The following ENPP6 variants were observed in gnomAD, a reference collection of about 807,000 sequenced individuals.
ENPP6 encodes glycerophosphocholine cholinephosphodiesterase ENPP6.
In ENPP6, 32 loss-of-function variants were observed where a neutral mutation model predicts 42.0. The observed-to-expected ratio is 0.76, with a 90% CI of 0.58 to 1.02. The LOEUF (loss-of-function observed/expected upper bound fraction) is 1.02, where lower values mean the gene tolerates loss of function less well. ENPP6 is among the 50% of genes least tolerant of loss of function. The probability of loss-of-function intolerance (pLI) is 0.00; values close to 1 mark genes in which losing one functional copy is unlikely to be tolerated. For missense variants in ENPP6, 552 were observed against 566.8 expected, an observed-to-expected ratio of 0.97 and a Z score of 0.27; for synonymous variants, 213 against 216.0, an observed-to-expected ratio of 0.99 and a Z score of 0.12.
chr4:184,113,349 A>G (rs557998221), intron 5 of ENPP6, among the ~76,000 whole-genome samples: 91 of 152,298 alleles, frequency 6.0e-4, no homozygotes, highest in African/African-American at 2.2e-3. Context: ...AACAGCATAT[A>G]TGGTAAAACT....
intron 1 of ENPP6, among the ~76,000 whole-genome samples, chr4:184,209,011 C>T (rs13127605): frequency 0.81 from 110,252 of 136,306 alleles, 45,145 homozygotes; most frequent in East Asian, 0.87. Context: ...TCCAACAGAC[C>T]TGCAGCTGAG....
intron 2 of ENPP6, among the ~76,000 whole-genome samples, chr4:184,133,161 TCACA>T (rs66979248): frequency 0.33 from 46,244 of 139,798 alleles, 8,817 homozygotes; most frequent in Non-Finnish European, 0.46. Context: ...ACCTGTCAAT[TCACA>T]CACACACACA....
At chr4:184,187,346 G>A (rs1030907082) in intron 1 of ENPP6, among the ~76,000 whole-genome samples, 1 of 152,190 alleles carries the variant, frequency 6.6e-6, no homozygotes, top group Non-Finnish European at 1.5e-5. Context: ...CAGCAGCTGG[G>A]ACCATTGGTT....
chr4:184,113,711 G>A (rs1736251534), intron 5 of ENPP6, among the ~76,000 whole-genome samples: 2 of 152,154 alleles, frequency 1.3e-5, no homozygotes, highest in East Asian at 1.9e-4. Flanking sequence ...TAAAGCACTA[G>A]TACTTGTTTG....
intron 1 of ENPP6, among the ~76,000 whole-genome samples, chr4:184,191,930 A>G (rs1732717306): frequency 6.6e-6 from 1 of 152,260 alleles, no homozygotes; most frequent in Admixed American, 6.5e-5. Flanking sequence ...TAGCAAAAGA[A>G]GTACCAAATG....
chr4:184,093,195 G>T (rs948180496), intron 7 of ENPP6, among the ~76,000 whole-genome samples: 1 of 152,088 alleles, frequency 6.6e-6, no homozygotes, highest in African/African-American at 2.4e-5. Context: ...CCCAGTAAAT[G>T]GTCACTACTA....
chr4:184,106,381 A>G (rs1207502950), intron 6 of ENPP6, among the ~76,000 whole-genome samples: 2 of 152,136 alleles, frequency 1.3e-5, no homozygotes, highest in African/African-American at 2.4e-5. Context: ...TCCTGGCCCA[A>G]TGGTCCCTTG....
intron 1 of ENPP6, among the ~76,000 whole-genome samples, chr4:184,190,884 T>C (rs1274243523): frequency 6.6e-6 from 1 of 152,224 alleles, no homozygotes; most frequent in Non-Finnish European, 1.5e-5. Context: ...TAGCTAAGTG[T>C]CTGATGTTGA....
At chr4:184,148,393 T>A (rs1478704799) in intron 2 of ENPP6, among the ~76,000 whole-genome samples, 1 of 152,220 alleles carries the variant, frequency 6.6e-6, no homozygotes, top group East Asian at 1.9e-4. Context: ...CAAGATACCA[T>A]CCTGCAAAGG....
chr4:184,120,531 C>T (rs572734263), intron 3 of ENPP6, among the ~76,000 whole-genome samples: 1 of 152,214 alleles, frequency 6.6e-6, no homozygotes, highest in Non-Finnish European at 1.5e-5. Flanking sequence ...CTCTCCTCCA[C>T]CAACCCCATG....
intron 6 of ENPP6, among the ~76,000 whole-genome samples, chr4:184,100,273 C>T (rs553622048): frequency 6.6e-6 from 1 of 152,350 alleles, no homozygotes; most frequent in East Asian, 1.9e-4. Flanking sequence ...TCTTTTTCCT[C>T]TGCCAGTGGC....
At chr4:184,135,780 C>G (rs572512978) in intron 2 of ENPP6, among the ~76,000 whole-genome samples, 1 of 152,178 alleles carries the variant, frequency 6.6e-6, no homozygotes, top group Non-Finnish European at 1.5e-5. Context: ...ACATGGCCAT[C>G]ACGTGTGGGC....
rs1736223797 is a variant in ENPP6, at chr4:184,112,729, T to A, written c.936A>T (p.Lys312Asn). The change falls in exon 6 of 8, where the codon AAA (lysine) becomes AAT (asparagine). Residue 312 changes from lysine to asparagine, a missense_variant. Transcript: ENST00000296741. The stretch of plus-strand genomic sequence containing the variant: ...AAGTCAAAGGAGAGACAAACTTTCC[T>A]TTCTTGTAATAGAACCTGCTTGGGA... ...EAIPSRFYYK[K>N]GKFVSPLTLV... 1.2e-6 allele frequency: 2 copies of A among 1,614,086 alleles called. No individual in the cohort carries two copies. Among genetic ancestry groups the A allele is most frequent in the South Asian group, 1.1e-5 (1 of 91,092 alleles).
At chr4:184,114,257 C>A (rs1316857689) in intron 5 of ENPP6, among the ~76,000 whole-genome samples, 2 of 152,028 alleles carry the variant, frequency 1.3e-5, no homozygotes, top group African/African-American at 2.4e-5. Context: ...TCAGCCATCG[C>A]GCCTGGCCCT....
At chr4:184,181,670 C>A (rs2111100812) in intron 1 of ENPP6, among the ~76,000 whole-genome samples, 1 of 152,188 alleles carries the variant, frequency 6.6e-6, no homozygotes, top group East Asian at 1.9e-4. Flanking sequence ...GACACATAGA[C>A]AAATGGAACA....
chr4:184,204,860 G>T (rs997376978), intron 1 of ENPP6, among the ~76,000 whole-genome samples: 1 of 152,106 alleles, frequency 6.6e-6, no homozygotes, highest in Non-Finnish European at 1.5e-5. Flanking sequence ...TAGAAGTGTC[G>T]AACATCAAAG....
intron 1 of ENPP6, among the ~76,000 whole-genome samples, chr4:184,176,440 A>T (rs1579650438): frequency 6.6e-6 from 1 of 152,202 alleles, no homozygotes; most frequent in East Asian, 1.9e-4. Context: ...TGGCTTGCTC[A>T]CAGGGACTTG....
chr4:184,177,969 A>G (rs1732470672), intron 1 of ENPP6, among the ~76,000 whole-genome samples: 1 of 152,140 alleles, frequency 6.6e-6, no homozygotes, highest in African/African-American at 2.4e-5. Flanking sequence ...GTCTTCTCCA[A>G]AAGATCACAA....
chr4:184,200,393 G>A (rs139553607), intron 1 of ENPP6, among the ~76,000 whole-genome samples: 68 of 152,284 alleles, frequency 4.5e-4, no homozygotes, highest in Non-Finnish European at 8.2e-4. Context: ...CATGATCTGT[G>A]GTGCGTGGAG....
Sources: gnomAD v4.1 joint callset for allele counts (sites outside exome capture counted in the v4.1 genomes callset) on GRCh38, gnomAD v4.1.1 for gene constraint, MANE v1.5 for transcripts, NCBI Gene and HGNC (gene_info 2026-07-23, HGNC 2026-07-21) for gene names.